SCHIP1: variants seen among roughly 807,000 people sequenced by gnomAD.
The protein encoded by SCHIP1 is schwannomin-interacting protein 1.
SCHIP1 carries 8 observed loss-of-function variants against 29.7 expected under a neutral mutation model. The ratio of observed to expected loss-of-function variants is 0.27; its 90% CI spans 0.16 to 0.49. The LOEUF (loss-of-function observed/expected upper bound fraction) is 0.49. SCHIP1 is among the 20% of genes least tolerant of loss of function. The pLI is 0.99. For synonymous variants in SCHIP1, 76 were observed against 94.9 expected (o/e 0.80, Z 1.16); for missense variants, 193 against 294.6 (o/e 0.66, Z 2.52).
chr3:159,687,763 C>T, the SCHIP1 span, among the ~76,000 whole-genome samples: 1 of 152,122 alleles, frequency 6.6e-6, no homozygotes, highest in South Asian at 2.1e-4. Flanking sequence ...CCCTCACTCT[C>T]CGACAAGCCC....
chr3:159,815,203 C>T, the SCHIP1 span, among the ~76,000 whole-genome samples: 1 of 152,216 alleles, frequency 6.6e-6, no homozygotes, highest in Non-Finnish European at 1.5e-5. Context: ...ACTGCCCTAA[C>T]CTTAAACCAA....
chr3:159,417,125 TC>T, the SCHIP1 span, among the ~76,000 whole-genome samples: 1 of 152,228 alleles, frequency 6.6e-6, no homozygotes, highest in Admixed American at 6.5e-5. Flanking sequence ...CATATTTCAG[TC>T]CCTTTGGTTC....
At chr3:159,879,737 T>C (rs1253943637) in intron 2 of SCHIP1, among the ~76,000 whole-genome samples, 1 of 152,162 alleles carries the variant, frequency 6.6e-6, no homozygotes, top group Admixed American at 6.5e-5. Context: ...AAGTGGTCAT[T>C]AGTGAAGGAA....
chr3:159,357,046 T>G, the SCHIP1 span, among the ~76,000 whole-genome samples: 1 of 152,222 alleles, frequency 6.6e-6, no homozygotes, highest in Non-Finnish European at 1.5e-5. Context: ...ACACTCCCAT[T>G]ACTTGAATTT....
the SCHIP1 span, among the ~76,000 whole-genome samples, chr3:159,570,662 T>C: frequency 1.2e-3 from 181 of 152,344 alleles, no homozygotes; most frequent in African/African-American, 4.2e-3. Context: ...TTTAAAGTAG[T>C]TTTTTCCAAT....
the SCHIP1 span, among the ~76,000 whole-genome samples, chr3:159,533,865 T>C: frequency 6.6e-6 from 1 of 152,232 alleles, no homozygotes; most frequent in African/African-American, 2.4e-5. Context: ...TTTTAGGATC[T>C]AAGTCAAGAA....
the SCHIP1 span, among the ~76,000 whole-genome samples, chr3:159,393,639 T>C: frequency 6.7e-6 from 1 of 149,652 alleles, no homozygotes; most frequent in Non-Finnish European, 1.5e-5. Context: ...TGTGGCGTTA[T>C]TTCTGAGGGC....
the SCHIP1 span, among the ~76,000 whole-genome samples, chr3:159,817,710 A>G: frequency 6.6e-6 from 1 of 152,194 alleles, no homozygotes; most frequent in Non-Finnish European, 1.5e-5. Flanking sequence ...TGTTTCTGAC[A>G]ACAGAGAAGG....
At chr3:159,551,180 C>T in the SCHIP1 span, among the ~76,000 whole-genome samples, 1 of 152,032 alleles carries the variant, frequency 6.6e-6, no homozygotes, top group Non-Finnish European at 1.5e-5. Context: ...TCTATGATTC[C>T]CTCCAGATTT....
At chr3:159,286,201 T>G in the SCHIP1 span, among the ~76,000 whole-genome samples, 1 of 152,110 alleles carries the variant, frequency 6.6e-6, no homozygotes, top group South Asian at 2.1e-4. Flanking sequence ...GATAATTTAG[T>G]TTTTTGATGC....
At chr3:159,679,318 A>C in the SCHIP1 span, among the ~76,000 whole-genome samples, 1 of 152,188 alleles carries the variant, frequency 6.6e-6, no homozygotes, top group Non-Finnish European at 1.5e-5. Flanking sequence ...AAGGAAGGAA[A>C]TTAATTTTAT....
chr3:159,403,450 C>T, the SCHIP1 span, among the ~76,000 whole-genome samples: 4 of 152,202 alleles, frequency 2.6e-5, no homozygotes, highest in African/African-American at 9.7e-5. Flanking sequence ...TTGGCAGTGG[C>T]TGTATGGCAC....
chr3:159,525,075 A>G, the SCHIP1 span, among the ~76,000 whole-genome samples: 2 of 152,188 alleles, frequency 1.3e-5, no homozygotes, highest in East Asian at 3.9e-4. Flanking sequence ...GGAACTTCCC[A>G]AGGAAATTGC....
chr3:159,502,576 T>C, the SCHIP1 span, among the ~76,000 whole-genome samples: 1 of 152,156 alleles, frequency 6.6e-6, no homozygotes, highest in South Asian at 2.1e-4. Flanking sequence ...ATGTGCCATG[T>C]TGGTGTGCTG....
At chr3:159,552,980 T>G in the SCHIP1 span, among the ~76,000 whole-genome samples, 1 of 152,300 alleles carries the variant, frequency 6.6e-6, no homozygotes, top group African/African-American at 2.4e-5. Context: ...AGACTATATC[T>G]GTATGGCTAT....
At chr3:159,888,971 G>A (rs1310664703) in intron 5 of SCHIP1, 28 bp downstream of exon 6, 4 of 1,609,996 alleles carry the variant, frequency 2.5e-6, no homozygotes, top group Non-Finnish European at 3.4e-6. Context: ...TTGAAAATAG[G>A]ATATTCAATG....
At chr3:159,789,955 G>A in the SCHIP1 span, among the ~76,000 whole-genome samples, 3 of 152,304 alleles carry the variant, frequency 2.0e-5, no homozygotes, top group South Asian at 4.1e-4. Flanking sequence ...TCAGTAATTG[G>A]AAGGAACTGG....
intron 5 of SCHIP1, among the ~76,000 whole-genome samples, chr3:159,891,381 A>G (rs183138508): frequency 1.2e-4 from 19 of 152,072 alleles, no homozygotes; most frequent in Admixed American, 7.2e-4. Flanking sequence ...AAAAAAAGAA[A>G]AAGGAAGGAA....
intron 1 of SCHIP1, among the ~76,000 whole-genome samples, chr3:159,843,846 A>AG (rs1553794399): frequency 0.016 from 2,301 of 139,878 alleles, 44 homozygotes; most frequent in East Asian, 0.027. Flanking sequence ...AAAAAAAAAA[A>AG]GCATTGTAAA....
Sources: gnomAD v4.1 joint callset for allele counts (sites outside exome capture counted in the v4.1 genomes callset) on GRCh38, gnomAD v4.1.1 for gene constraint, MANE v1.5 for transcripts, NCBI Gene and HGNC (gene_info 2026-07-23, HGNC 2026-07-21) for gene names.